DPEP3: variants seen among roughly 807,000 people sequenced by gnomAD.
DPEP3 encodes the protein membrane-bound dipeptidase 3.
Under a neutral mutation model 47.5 loss-of-function variants are expected in DPEP3, and 42 were observed. That is an observed-to-expected ratio of 0.88 (90% CI 0.69 to 1.14). The LOEUF is 1.14. Ranked by LOEUF, DPEP3 falls within the 50% of genes most tolerant of loss-of-function variation. DPEP3 has a pLI of 0.00. For missense variants in DPEP3, 560 were observed against 635.0 expected (o/e 0.88, Z 1.27); for synonymous variants, 276 against 270.2 (o/e 1.02, Z -0.21).
At chr16:67,977,442 C>T in intron 6 of DPEP3, 88 bp from the exon 7 acceptor site, 2 of 1,405,792 alleles carry the variant, frequency 1.4e-6, no homozygotes, top group East Asian at 4.9e-5. Context: ...GACTGTGCTC[C>T]ATCCTGGCTT....
chr16:67,979,479 C>T (rs575607665), intron 2 of DPEP3, among the ~76,000 whole-genome samples, 160 bp downstream of exon 2: 1 of 152,222 alleles, frequency 6.6e-6, no homozygotes, highest in Non-Finnish European at 1.5e-5. Flanking sequence ...TGCAGCTAGC[C>T]TGTCTTGGCC....
At position 67,976,054 on chromosome 16, in the gene DPEP3, T is replaced by C. The variant is rs998166401; in HGVS notation, c.1230+39A>G. 1.9e-6 allele frequency: 3 copies of C among 1,613,802 alleles called. No homozygotes were observed. The African/African-American group carries it at 4.0e-5, about 22-fold the overall frequency. ...CTCCCACAGCAATCCCCTCCCCTTC[T>C]CAAACCACTGAACCATCCTGTCCAC... On this transcript the variant is annotated intron_variant, in intron 9 of 9. Transcript: ENST00000268793.
chr16:67,976,200 T>C lies in DPEP3; in HGVS notation c.1123A>G (p.Thr375Ala). ...RFPQGLEDVS[T>A]YPVLIEELLS... Reference sequence around the variant, plus strand: ...AACTCCTCTATCAGGACTGGGTATGTGGACACATCCTCCAGCCCCTGAGGG... The same window carrying C: ...AACTCCTCTATCAGGACTGGGTATGCGGACACATCCTCCAGCCCCTGAGGG... Residue 375 changes from threonine to alanine, a missense_variant, in exon 9 of 10, where the codon ACA becomes GCA. Coordinates refer to ENST00000268793, the MANE Select transcript of DPEP3 (RefSeq NM_001370198.1). The C allele has an allele frequency of 6.2e-7, 1 of 1,614,202 alleles. No homozygotes were observed. The highest frequency in any genetic ancestry group is 1.1e-5 in the South Asian group (1 of 91,080).
Position 67,980,240 on chromosome 16 carries a change from G to C in DPEP3, c.141C>G (p.Ser47=), listed in dbSNP as rs760686652. Residue 47 remains serine (S), a synonymous_variant, in exon 1 of 10, where the codon TCC becomes TCG. Coordinates refer to ENST00000268793, the MANE Select transcript of DPEP3 (RefSeq NM_001370198.1). ...TGAAGAGGCTGGGGGAGCCCAGCGT[G>C]GAGAGGGCTCTGGGGGCGCCCGGCG... ...ETTPGAPRAL[S]TLGSPSLFTT... is the part of the protein sequence containing the mutation. 7 of 1,607,980 alleles carry C rather than the reference G, an allele frequency of 4.4e-6. No homozygotes were observed. In the South Asian group the frequency reaches 7.7e-5, roughly 18 times the overall value.
intron 1 of DPEP3, 102 bp from the exon 2 acceptor site, chr16:67,979,867 A>G (rs2031284845): frequency 1.3e-6 from 2 of 1,521,374 alleles, no homozygotes; most frequent in South Asian, 2.5e-5. Context: ...ACCTCCTCAC[A>G]CAGACCATAT....
chr16:67,980,370 G>C lies in DPEP3; in HGVS notation c.11C>G (p.Thr4Arg). The C allele has an allele frequency of 6.5e-7, 1 of 1,538,804 alleles. No homozygotes were observed. Among genetic ancestry groups the C allele is most frequent in the Non-Finnish European group, 8.8e-7 (1 of 1,142,068 alleles). MQPTGREGSRALSR... is the reference protein window; with the variant it reads MQPRGREGSRALSR... ...GAGCGCGCGGGAACCCTCGCGGCCC[G>C]TGGGCTGCATGTTGCGCGGGGGTCG... Residue 4 changes from threonine (T) to arginine (R), a missense_variant, in exon 1 of 10, where the codon ACG becomes AGG. Coordinates refer to ENST00000268793, the MANE Select transcript of DPEP3 (RefSeq NM_001370198.1).
chr16:67,977,006 G>C (rs1166577823), intron 7 of DPEP3, among the ~76,000 whole-genome samples: 2 of 152,188 alleles, frequency 1.3e-5, no homozygotes, highest in Admixed American at 6.5e-5. Context: ...TGAGAGCCTG[G>C]TGCAGGCTGA....
chr16:67,978,418 G>A lies in DPEP3; in HGVS notation c.545-10C>T. The A allele has an allele frequency of 1.9e-6, 3 of 1,614,024 alleles. No homozygotes were observed. Among genetic ancestry groups the A allele is most frequent in the African/African-American group, 2.7e-5 (2 of 75,054 alleles). On this transcript the variant is annotated splice_polypyrimidine_tract_variant and intron_variant, in intron 3 of 9. Transcript: ENST00000268793. The surrounding 1 kb of genome is among the most constrained non-coding windows in gnomAD (Gnocchi z 4.4). ...TGAGAGCTGTTCAGACCTAGAAGGA[G>A]GTAGAGAGTCAAGTGGTTAGATCCC...
intron 7 of DPEP3, 110 bp from the exon 8 acceptor site, chr16:67,976,885 C>CATGAGCT: frequency 2.3e-6 from 2 of 886,542 alleles, no homozygotes; most frequent in Non-Finnish European, 3.6e-6. Flanking sequence ...AGCTCATGGC[C>CATGAGCT]AGTCATGAGT....
intron 7 of DPEP3, 43 bp from the exon 8 acceptor site, chr16:67,976,818 C>T (rs2031206841): frequency 1.3e-6 from 2 of 1,557,522 alleles, no homozygotes; most frequent in Non-Finnish European, 1.8e-6. Context: ...CTAGTTAGAC[C>T]CTGGCACCAG....
In DPEP3 at chr16:67,977,733, G is replaced by A. The variant is rs2031229442; in HGVS notation, c.853C>T (p.Pro285Ser). ...IRRVLEVSQA[P>S]VIFSHSAARA... Reference sequence around the variant, plus strand: ...GCAGCTGAGTGGGAGAAGATCACAGGAGCCTGAGACACTTCCAGGACCCTT... The same window carrying A: ...GCAGCTGAGTGGGAGAAGATCACAGAAGCCTGAGACACTTCCAGGACCCTT... Residue 285 changes from proline (P) to serine (S), a missense_variant, in exon 6 of 10, where the codon CCT (proline) becomes TCT (serine). By Grantham distance (74) the Pro-to-Ser change is moderately conservative. Coordinates refer to ENST00000268793, the MANE Select transcript of DPEP3 (RefSeq NM_001370198.1). The A allele has an allele frequency of 7.4e-6, 12 of 1,613,408 alleles. No individual in the cohort carries two copies. Among genetic ancestry groups the A allele is most frequent in the Non-Finnish European group, 1.0e-5 (12 of 1,179,626 alleles).
Position 67,980,390 on chromosome 16 carries a change from G to T in DPEP3, c.-10C>A, listed in dbSNP as rs372588067. On this transcript the variant is annotated 5_prime_UTR_variant, in exon 1 of 10. Transcript: ENST00000268793. Reference sequence around the variant, plus strand: ...GGCCCGTGGGCTGCATGTTGCGCGGGGGTCGGCCGCGGGAGCCTGGGAGGA... The same window carrying T: ...GGCCCGTGGGCTGCATGTTGCGCGGTGGTCGGCCGCGGGAGCCTGGGAGGA... 99 of 1,513,250 alleles carry T rather than the reference G, an allele frequency of 6.5e-5. 2 individuals are homozygous for T. The East Asian group carries it at 1.0e-3, about 15-fold the overall frequency. 93.7% of individuals were successfully genotyped at this position (1,513,250 alleles called of 1,614,324 possible). A position where few individuals can be genotyped will look rare whatever the true frequency, so the allele number is the denominator to read the frequency against.
Position 67,976,173 on chromosome 16 carries a change from G to T in DPEP3, c.1150C>A (p.Leu384Met). 6.2e-7 allele frequency: 1 copy of T among 1,614,196 alleles called. No homozygotes were observed. The highest frequency in any genetic ancestry group is 8.5e-7 in the Non-Finnish European group (1 of 1,180,038). Residue 384 changes from leucine to methionine, a missense_variant, in exon 9 of 10, where the codon CTG becomes ATG. Transcript: ENST00000268793. ...TCTTCCTCGCTCCAGCTACGACTCAGCAACTCCTCTATCAGGACTGGGTAT... is the reference window on the plus strand; with the variant it reads ...TCTTCCTCGCTCCAGCTACGACTCATCAACTCCTCTATCAGGACTGGGTAT... ...STYPVLIEEL[L>M]SRSWSEEELQ...
At position 67,976,188 on chromosome 16, in the gene DPEP3, G is replaced by T; in HGVS notation, c.1135C>A (p.Leu379Met). 6.2e-7 allele frequency: 1 copy of T among 1,614,188 alleles called. No individual in the cohort carries two copies. The highest frequency in any genetic ancestry group is 1.1e-5 in the South Asian group (1 of 91,084). The change falls in exon 9 of 10, where the codon CTG becomes ATG. Residue 379 changes from leucine to methionine, a missense_variant. By Grantham distance (15) the Leu-to-Met change is conservative (BLOSUM62 2). Transcript: ENST00000268793. ...GLEDVSTYPV[L>M]IEELLSRSWS... Reference sequence around the variant, plus strand: ...CTACGACTCAGCAACTCCTCTATCAGGACTGGGTATGTGGACACATCCTCC... The same window carrying T: ...CTACGACTCAGCAACTCCTCTATCATGACTGGGTATGTGGACACATCCTCC...
rs760728307 is a variant in DPEP3 at position 67,978,490 on chromosome 16, G to C, written c.544+7C>G. Reference sequence around the variant, plus strand: ...ACATCCTGACTACCTCTCATCTGCTGGCCCACCTTCAGCTGAGGTCACAAG... The same window carrying C: ...ACATCCTGACTACCTCTCATCTGCTCGCCCACCTTCAGCTGAGGTCACAAG... On this transcript the variant is annotated splice_region_variant and intron_variant, in intron 3 of 9. Coordinates refer to ENST00000268793, the MANE Select transcript of DPEP3 (RefSeq NM_001370198.1). The surrounding 1 kb of genome is among the most constrained non-coding windows in gnomAD (Gnocchi z 4.4). The C allele has an allele frequency of 6.2e-7, 1 of 1,614,044 alleles. No homozygotes were observed. Among genetic ancestry groups the C allele is most frequent in the Non-Finnish European group, 8.5e-7 (1 of 1,179,942 alleles).
Position 67,977,793 on chromosome 16 carries a change from T to A in DPEP3, c.793A>T (p.Ile265Leu). The change falls in exon 6 of 10, where the codon ATA becomes TTA. Residue 265 changes from isoleucine (I) to leucine (L), a missense_variant. Transcript: ENST00000268793. Reference protein sequence around the residue: ...VEELNRLGMMIDLSYASDTLI... With the variant: ...VEELNRLGMMLDLSYASDTLI... Reference sequence around the variant, plus strand: ...GTGTCCGATGCATAGGACAAATCTATCATCATGCCCAGGCGGTTCAACTCC... The same window carrying A: ...GTGTCCGATGCATAGGACAAATCTAACATCATGCCCAGGCGGTTCAACTCC... 6.2e-7 allele frequency: 1 copy of A among 1,613,920 alleles called. No individual in the cohort carries two copies. The highest frequency in any genetic ancestry group is 8.5e-7 in the Non-Finnish European group (1 of 1,179,864).
In DPEP3 at chr16:67,976,695, C is replaced by T. The variant is rs942460359; in HGVS notation, c.1094+5G>A. On this transcript the variant is annotated splice_donor_5th_base_variant and intron_variant, in intron 8 of 9. Coordinates refer to ENST00000268793, the MANE Select transcript of DPEP3 (RefSeq NM_001370198.1). Reference sequence around the variant, plus strand: ...GCCTAAGAGAAACCTCAGGGAAGCACTCACCGGCCAGTCCCGTCATAATTT... The same window carrying T: ...GCCTAAGAGAAACCTCAGGGAAGCATTCACCGGCCAGTCCCGTCATAATTT... The T allele has an allele frequency of 3.1e-6, 5 of 1,613,748 alleles. No homozygotes were observed. In the African/African-American group the frequency reaches 6.7e-5, roughly 22 times the overall value.
In DPEP3 at chr16:67,976,757, C is replaced by T; in HGVS notation, c.1037G>A (p.Arg346Lys). 6.2e-7 allele frequency: 1 copy of T among 1,614,054 alleles called. No individual in the cohort carries two copies. The change falls in exon 8 of 10, where the codon AGG becomes AAG. Residue 346 changes from arginine to lysine, a missense_variant. Arg to Lys is a conservative substitution (Grantham distance 26). Coordinates refer to ENST00000268793, the MANE Select transcript of DPEP3 (RefSeq NM_001370198.1). Reference protein sequence around the residue: ...STVADHFDHIRAVIGSEFIGI... With the variant: ...STVADHFDHIKAVIGSEFIGI... ...GATGAACTCAGATCCAATGACTGCCCTGATGTGGTCAAAGTGATCTAGGGT... is the reference window on the plus strand; with the variant it reads ...GATGAACTCAGATCCAATGACTGCCTTGATGTGGTCAAAGTGATCTAGGGT...
Position 67,980,129 on chromosome 16 carries a change from C to A in DPEP3, c.252G>T (p.Ala84=). The A allele has an allele frequency of 6.2e-7, 1 of 1,612,522 alleles. No homozygotes were observed. The highest frequency in any genetic ancestry group is 8.5e-7 in the Non-Finnish European group (1 of 1,179,352). The change falls in exon 1 of 10, where the codon GCG becomes GCT. Residue 84 remains alanine, a synonymous_variant. Coordinates refer to ENST00000268793, the MANE Select transcript of DPEP3 (RefSeq NM_001370198.1). ...TPKTLDLRGR[A]QALMRSFPLV... ...GTGGGAAACTCCGCATCAGGGCCTG[C>A]GCGCGACCCCGAAGGTCCAGGGTTT...
Sources: gnomAD v4.1 joint callset for allele counts (sites outside exome capture counted in the v4.1 genomes callset) on GRCh38, gnomAD v4.1.1 for gene constraint, Gnocchi (gnomAD v3.1) non-coding constraint, MANE v1.5 for transcripts, NCBI Gene and HGNC (gene_info 2026-07-23, HGNC 2026-07-21) for gene names.